The following EYS variants were observed in gnomAD, a reference collection of about 807,000 sequenced individuals.
EYS encodes EGF-like photoreceptor maintenance factor.
A neutral mutation model predicts 282.1 loss-of-function variants in EYS; 250 were observed. The ratio of observed to expected loss-of-function variants is 0.89; its 90% CI spans 0.80 to 0.98. EYS has a LOEUF of 0.98. Ranked by LOEUF, EYS falls within the 50% of genes least tolerant of loss-of-function variation. The pLI, the probability that EYS is intolerant of heterozygous loss-of-function variation, is 0.00. For synonymous variants in EYS, 1,355 were observed against 1,282.9 expected, an observed-to-expected ratio of 1.06 and a Z score of -1.20; for missense variants, 4,016 against 3,709.0, an observed-to-expected ratio of 1.08 and a Z score of -2.15.
chr6:65,579,174 T>C (rs1475037452), intron 2 of EYS, among the ~76,000 whole-genome samples: 3 of 152,036 alleles, frequency 2.0e-5, no homozygotes, highest in Admixed American at 6.6e-5. Context: ...GTTCCTTTCT[T>C]AGGGAACTTA....
At chr6:65,521,568 T>C (rs981085967) in intron 2 of EYS, among the ~76,000 whole-genome samples, 8 of 152,162 alleles carry the variant, frequency 5.3e-5, no homozygotes, top group Non-Finnish European at 1.2e-4. Flanking sequence ...CTAACTTACA[T>C]AGCCAAACAT....
At chr6:65,491,982 T>A (rs1212028024) in intron 4 of EYS, among the ~76,000 whole-genome samples, 2 of 152,018 alleles carry the variant, frequency 1.3e-5, no homozygotes, top group Admixed American at 1.3e-4. Flanking sequence ...ACCAAGCAAA[T>A]AGATCTCAGA....
intron 31 of EYS, among the ~76,000 whole-genome samples, chr6:64,108,527 T>TTTTTTTA (rs1773105032): frequency 1.5e-5 from 2 of 137,016 alleles, no homozygotes; most frequent in South Asian, 2.3e-4. Context: ...TTTTTTTTTT[T>TTTTTTTA]GAGAAGATAG....
At chr6:65,403,234 C>G (rs1766585593) in intron 6 of EYS, among the ~76,000 whole-genome samples, 1 of 151,918 alleles carries the variant, frequency 6.6e-6, no homozygotes. Context: ...AGAAAATAAA[C>G]CATTGGCACC....
intron 36 of EYS, among the ~76,000 whole-genome samples, chr6:63,831,678 A>G (rs1771642709): frequency 6.6e-6 from 1 of 152,202 alleles, no homozygotes; most frequent in Non-Finnish European, 1.5e-5. Context: ...GTTAACAAGG[A>G]TATCCAGGTA....
chr6:65,465,234 A>G (rs1292642339), intron 5 of EYS, among the ~76,000 whole-genome samples: 1 of 152,144 alleles, frequency 6.6e-6, no homozygotes, highest in East Asian at 1.9e-4. Context: ...GAGGCTGAAG[A>G]GGGAGGATCA....
At chr6:64,772,628 T>G (rs1450631099) in intron 22 of EYS, among the ~76,000 whole-genome samples, 1 of 151,710 alleles carries the variant, frequency 6.6e-6, no homozygotes, top group Non-Finnish European at 1.5e-5. Flanking sequence ...TATTTTTGTA[T>G]CCATTAACTA....
intron 26 of EYS, among the ~76,000 whole-genome samples, chr6:64,514,369 C>T (rs1777498358): frequency 1.3e-5 from 2 of 151,760 alleles, no homozygotes; most frequent in South Asian, 4.1e-4. Context: ...CAATAACAGA[C>T]AGATTGAAAA....
chr6:64,635,667 A>G (rs1055005147), intron 22 of EYS, among the ~76,000 whole-genome samples: 1 of 152,170 alleles, frequency 6.6e-6, no homozygotes, highest in Non-Finnish European at 1.5e-5. Context: ...CATCCCAGGG[A>G]TGAAGCCCAC....
At chr6:64,364,634 T>C (rs2150410419) in intron 29 of EYS, among the ~76,000 whole-genome samples, 1 of 152,018 alleles carries the variant, frequency 6.6e-6, no homozygotes, top group East Asian at 1.9e-4. Context: ...AAAATCAATC[T>C]AATTAACCCA....
intron 22 of EYS, among the ~76,000 whole-genome samples, chr6:64,698,675 C>A (rs1231904257): frequency 6.6e-6 from 1 of 152,080 alleles, no homozygotes; most frequent in African/African-American, 2.4e-5. Context: ...AGGACATGAA[C>A]CGACTCTTTT....
At chr6:63,942,267 C>A (rs1354513423) in intron 35 of EYS, among the ~76,000 whole-genome samples, 1 of 152,046 alleles carries the variant, frequency 6.6e-6, no homozygotes, top group Admixed American at 6.6e-5. Context: ...GGCCATTAAA[C>A]CTAAAACAAC....
intron 1 of EYS, among the ~76,000 whole-genome samples, chr6:65,660,357 A>G: frequency 6.6e-6 from 1 of 151,640 alleles, no homozygotes; most frequent in South Asian, 2.1e-4. Context: ...TTTCTCTTGT[A>G]TTTATTTAAT....
chr6:64,257,256 T>G (rs1767432684), intron 30 of EYS, among the ~76,000 whole-genome samples: 1 of 152,042 alleles, frequency 6.6e-6, no homozygotes, highest in African/African-American at 2.4e-5. Flanking sequence ...CTTCGTAAAT[T>G]TAATTTTTAA....
chr6:63,762,829 T>C (rs1047930771), intron 40 of EYS, among the ~76,000 whole-genome samples, 196 bp from the exon 41 acceptor site: 4 of 152,102 alleles, frequency 2.6e-5, no homozygotes, highest in African/African-American at 9.6e-5. Context: ...CACCAAAGAC[T>C]TTAAACGATT....
At chr6:64,469,059 G>A (rs756908080) in intron 26 of EYS, among the ~76,000 whole-genome samples, 16 of 152,242 alleles carry the variant, frequency 1.1e-4, no homozygotes, top group East Asian at 1.9e-4. Context: ...TAAGTTCTTT[G>A]AGAAATTGCC....
chr6:65,638,942 T>G (rs1231945830), intron 2 of EYS, among the ~76,000 whole-genome samples: 2 of 152,156 alleles, frequency 1.3e-5, no homozygotes, highest in African/African-American at 4.8e-5. Flanking sequence ...TTGCCAAGAT[T>G]TTAATTTAGA....
intron 26 of EYS, among the ~76,000 whole-genome samples, chr6:64,585,896 A>T (rs1766219442): frequency 6.6e-6 from 1 of 152,122 alleles, no homozygotes; most frequent in African/African-American, 2.4e-5. Context: ...TGTAACATTA[A>T]CAGCCTACAT....
At chr6:64,584,147 A>G (rs974465533) in intron 26 of EYS, among the ~76,000 whole-genome samples, 5 of 152,054 alleles carry the variant, frequency 3.3e-5, no homozygotes, top group Admixed American at 2.0e-4. Context: ...ATATTTGCAA[A>G]AACATATTTT....
Sources: allele counts gnomAD v4.1 joint callset (sites outside exome capture counted in the v4.1 genomes callset), GRCh38; gene constraint gnomAD v4.1.1; transcripts MANE v1.5; gene names NCBI Gene and HGNC (gene_info 2026-07-23, HGNC 2026-07-21).